The following METTL22 variants were observed in gnomAD, a reference collection of about 807,000 sequenced individuals.
The protein encoded by METTL22 is methyltransferase 22, Kin17 lysine.
In METTL22, 51 loss-of-function variants were observed where a neutral mutation model predicts 48.4. The observed-to-expected ratio is 1.05, with a 90% CI of 0.84 to 1.33. METTL22 has a LOEUF of 1.33. Ranked by LOEUF, METTL22 falls within the 40% of genes most tolerant of loss-of-function variation. The pLI, the probability that METTL22 is intolerant of heterozygous loss-of-function variation, is 0.00. For synonymous variants in METTL22, 255 were observed against 214.1 expected, an observed-to-expected ratio of 1.19 and a Z score of -1.67; for missense variants, 678 against 526.9, an observed-to-expected ratio of 1.29 and a Z score of -2.81.
At chr16:8,656,073 TTTG>T in the METTL22 span, among the ~76,000 whole-genome samples, 5 of 152,082 alleles carry the variant, frequency 3.3e-5, no homozygotes, top group East Asian at 1.9e-4. Flanking sequence ...GTGGCAGGTT[TTTG>T]TTGTTGTTGT....
intron 7 of METTL22, chr16:8,641,823 C>G (rs2056627819): frequency 2.0e-6 from 1 of 507,920 alleles, no homozygotes; most frequent in Non-Finnish European, 3.6e-6. Flanking sequence ...ACCCAGCAGG[C>G]AGAAGGGGGA....
the METTL22 span, among the ~76,000 whole-genome samples, chr16:8,666,086 A>T: frequency 6.6e-6 from 1 of 152,184 alleles, no homozygotes. Flanking sequence ...ACCTGCCTCT[A>T]TCATCTGAGA....
Position 8,642,133 on chromosome 16 carries a change from A to AG in METTL22, c.835dup (p.Val279GlyfsTer12). 1 of 1,612,698 alleles carries AG rather than the reference A, an allele frequency of 6.2e-7. No individual in the cohort carries two copies. Among genetic ancestry groups the AG allele is most frequent in the Non-Finnish European group, 8.5e-7 (1 of 1,178,676 alleles). On this transcript the variant is annotated frameshift_variant, in exon 8 of 11. Coordinates refer to ENST00000381920, the MANE Select transcript of METTL22 (RefSeq NM_024109.4). LOFTEE classifies it high-confidence loss of function. ...TGCTTTTGTTCTTTCTTAGATCCCA[A>AG]GGTCCCCTTCAGTTGGTCACAAGAG...
Position 8,646,178 on chromosome 16 carries a change from TTC to T in METTL22, c.*37_*38del. The T allele has an allele frequency of 4.3e-6, 7 of 1,612,430 alleles. No homozygotes were observed. Among genetic ancestry groups the T allele is most frequent in the Non-Finnish European group, 5.9e-6 (7 of 1,178,672 alleles). ...TCCACAAGGCGCGGCGTCTCGACTG[TTC>T]TTAGAGTGTATTTCTAGTAAAATCA... On this transcript the variant is annotated 3_prime_UTR_variant, in exon 11 of 11. Coordinates refer to ENST00000381920, the MANE Select transcript of METTL22 (RefSeq NM_024109.4).
At position 8,629,047 on chromosome 16, in the gene METTL22, C is replaced by G; in HGVS notation, c.451C>G (p.Gln151Glu). Reference sequence around the variant, plus strand: ...CAAGGTACATCCCATGATTCTAGCACAGGAAGAAGACGACGTCCTGGGAGA... The same window carrying G: ...CAAGGTACATCCCATGATTCTAGCAGAGGAAGAAGACGACGTCCTGGGAGA... ...RDKVHPMILA[Q>E]EEDDVLGEEA... The change falls in exon 3 of 11, where the codon CAG becomes GAG. Residue 151 changes from glutamine (Q) to glutamate (E), a missense_variant. By Grantham distance (29) the Gln-to-Glu change is conservative. Transcript: ENST00000381920. 6.2e-7 allele frequency: 1 copy of G among 1,614,010 alleles called. No homozygotes were observed. The highest frequency in any genetic ancestry group is 2.2e-5 in the East Asian group (1 of 44,888).
chr16:8,653,233 C>G (rs2056924131), downstream of METTL22, among the ~76,000 whole-genome samples: 1 of 152,208 alleles, frequency 6.6e-6, no homozygotes, highest in Non-Finnish European at 1.5e-5. Context: ...TGATGAATCA[C>G]TCTGACAGTT....
At chr16:8,624,473 G>C (rs1441959416) in intron 1 of METTL22, among the ~76,000 whole-genome samples, 2 of 151,388 alleles carry the variant, frequency 1.3e-5, no homozygotes, top group African/African-American at 2.4e-5. Context: ...CCTGCCTTTT[G>C]GTGTCAAGCG....
At chr16:8,651,661 C>G (rs543728771), downstream of METTL22, among the ~76,000 whole-genome samples, 7 of 152,240 alleles carry the variant, frequency 4.6e-5, no homozygotes, top group South Asian at 1.4e-3. Context: ...AATAGCTGGA[C>G]AAAAAGCAAA....
chr16:8,660,610 T>C, the METTL22 span, among the ~76,000 whole-genome samples: 1 of 152,050 alleles, frequency 6.6e-6, no homozygotes, highest in Non-Finnish European at 1.5e-5. Context: ...TTTTAATACA[T>C]ACTCACTACT....
intron 9 of METTL22, 82 bp from the exon 10 acceptor site, chr16:8,644,475 A>G (rs1176537532): frequency 1.4e-6 from 2 of 1,389,632 alleles, no homozygotes; most frequent in Non-Finnish European, 2.0e-6. Context: ...TCAGTGAGGG[A>G]TAGGAAAGCA....
intron 5 of METTL22, among the ~76,000 whole-genome samples, chr16:8,635,804 T>G (rs1422125707): frequency 6.6e-6 from 1 of 152,196 alleles, no homozygotes; most frequent in Non-Finnish European, 1.5e-5. Flanking sequence ...GTGCCACTCA[T>G]TTCTAGATGT....
intron 3 of METTL22, 132 bp from the exon 4 acceptor site, chr16:8,634,907 C>G (rs11866607): frequency 0.88 from 1,012,184 of 1,149,142 alleles, 448,049 homozygotes; most frequent in East Asian, 1. Context: ...TTCTGCTGCT[C>G]TCTAGAACGC....
At position 8,646,156 on chromosome 16, in the gene METTL22, A is replaced by G. The variant is rs1407120577; in HGVS notation, c.*13A>G. On this transcript the variant is annotated 3_prime_UTR_variant, in exon 11 of 11. Coordinates refer to ENST00000381920, the MANE Select transcript of METTL22 (RefSeq NM_024109.4). Reference sequence around the variant, plus strand: ...ACCAGTAACATGACCCATCGCCTCCACAAGGCGCGGCGTCTCGACTGTTCT... The same window carrying G: ...ACCAGTAACATGACCCATCGCCTCCGCAAGGCGCGGCGTCTCGACTGTTCT... The G allele has an allele frequency of 1.2e-6, 2 of 1,614,034 alleles. No individual in the cohort carries two copies. The highest frequency in any genetic ancestry group is 2.2e-5 in the East Asian group (1 of 44,878).
At chr16:8,656,434 A>G in the METTL22 span, among the ~76,000 whole-genome samples, 7 of 152,290 alleles carry the variant, frequency 4.6e-5, no homozygotes, top group African/African-American at 1.4e-4. Flanking sequence ...CCAACTGCAC[A>G]ACTAACTATT....
chr16:8,624,555 A>T (rs1025162471), intron 1 of METTL22, among the ~76,000 whole-genome samples: 1 of 151,744 alleles, frequency 6.6e-6, no homozygotes, highest in Non-Finnish European at 1.5e-5. Flanking sequence ...AATTCCACTC[A>T]TCTTTTTAAA....
chr16:8,635,255 G>A lies in METTL22; in HGVS notation c.643G>A (p.Gly215Ser), dbSNP rs577765283. The change falls in exon 5 of 11, where the codon GGC becomes AGC. Residue 215 changes from glycine to serine, a missense_variant. Coordinates refer to ENST00000381920, the MANE Select transcript of METTL22 (RefSeq NM_024109.4). ...ATGTACAGCGCTGGAGCTCGGGGCC[G>A]GCACGGGGCTCGCTAGCATCATCGC... ...RGCTALELGAGTGLASIIAAT... is the reference protein window; with the variant it reads ...RGCTALELGASTGLASIIAAT... 21 of 1,608,106 alleles carry A rather than the reference G, an allele frequency of 1.3e-5. No individual in the cohort carries two copies. The highest frequency in any genetic ancestry group is 4.5e-5 in the East Asian group (2 of 44,764).
chr16:8,624,278 A>G (rs1331225346), intron 1 of METTL22, among the ~76,000 whole-genome samples: 1 of 151,668 alleles, frequency 6.6e-6, no homozygotes, highest in Non-Finnish European at 1.5e-5. Context: ...TTTAGTTATT[A>G]ATGTGTCACC....
At chr16:8,637,874 A>G (rs1731016) in intron 5 of METTL22, among the ~76,000 whole-genome samples, 20,887 of 151,850 alleles carry the variant, frequency 0.14, 1,666 homozygotes, top group African/African-American at 0.22. Flanking sequence ...GTGGTGGCTA[A>G]TGCATGTAAC....
intron 5 of METTL22, among the ~76,000 whole-genome samples, chr16:8,635,837 G>C (rs1327562072): frequency 6.6e-6 from 1 of 152,232 alleles, no homozygotes; most frequent in Non-Finnish European, 1.5e-5. Context: ...GGTGAATGGA[G>C]CTGACTAGGC....
Sources: gnomAD v4.1 joint callset for allele counts (sites outside exome capture counted in the v4.1 genomes callset) on GRCh38, gnomAD v4.1.1 for gene constraint, MANE v1.5 for transcripts, NCBI Gene and HGNC (gene_info 2026-07-23, HGNC 2026-07-21) for gene names.